The following FAF1 variants were observed in gnomAD, a reference collection of about 807,000 sequenced individuals.
FAF1 encodes the protein FAS-associated factor 1.
A neutral mutation model predicts 92.5 loss-of-function variants in FAF1; 25 were observed. That is an observed-to-expected ratio of 0.27 (90% CI 0.20 to 0.38). FAF1 has a LOEUF of 0.38. FAF1 is among the 10% of genes least tolerant of loss of function. FAF1 has a pLI of 1.00. For missense variants in FAF1, 636 were observed against 793.3 expected (o/e 0.80, Z 2.38); for synonymous variants, 234 against 273.2 (o/e 0.86, Z 1.42).
chr1:50,747,788 T>A (rs1659687613), intron 4 of FAF1, among the ~76,000 whole-genome samples: 2 of 152,180 alleles, frequency 1.3e-5, no homozygotes, highest in Non-Finnish European at 2.9e-5. Context: ...GACTGAATCA[T>A]GTGTGACAGA....
chr1:50,764,587 C>T (rs1174057941), intron 4 of FAF1, among the ~76,000 whole-genome samples: 1 of 152,170 alleles, frequency 6.6e-6, no homozygotes, highest in Non-Finnish European at 1.5e-5. Context: ...AAATCAGGGG[C>T]ATCTACAGGG....
At chr1:50,779,267 C>T (rs1303740376) in intron 4 of FAF1, among the ~76,000 whole-genome samples, 1 of 152,144 alleles carries the variant, frequency 6.6e-6, no homozygotes, top group Admixed American at 6.5e-5. Context: ...CAGCTTCTTC[C>T]AAACTCCTAT....
At chr1:50,709,655 T>G (rs1657835558) in intron 6 of FAF1, among the ~76,000 whole-genome samples, 1 of 152,158 alleles carries the variant, frequency 6.6e-6, no homozygotes, top group African/African-American at 2.4e-5. Flanking sequence ...TATATTTGAT[T>G]CTATGTTCTT....
rs530706309 is a variant in FAF1, at chr1:50,688,216, T to G, written c.657+17570A>C. Among the ~76,000 whole-genome samples the G allele has an allele frequency of 4.6e-5, 7 of 151,848 alleles. No individual in the cohort carries two copies. In the East Asian group the frequency reaches 1.3e-3, roughly 29 times the overall value. On this transcript the variant is annotated intron_variant, in intron 7 of 18. Transcript: ENST00000396153. The stretch of plus-strand genomic sequence containing the variant: ...AAAATAACAAGTATTGGTTAGTACA[T>G]GGAGAAATGGAAACTGTTCTGCATT...
At chr1:50,838,993 C>T (rs914398588) in intron 2 of FAF1, among the ~76,000 whole-genome samples, 2 of 152,020 alleles carry the variant, frequency 1.3e-5, no homozygotes, top group East Asian at 1.9e-4. Flanking sequence ...GGAAAATATC[C>T]AACTTAACTG....
At chr1:50,929,215 T>C (rs1231364253) in intron 1 of FAF1, among the ~76,000 whole-genome samples, 1 of 152,022 alleles carries the variant, frequency 6.6e-6, no homozygotes, top group Admixed American at 6.6e-5. Flanking sequence ...TCCCACAATA[T>C]TTAATAGAGT....
chr1:50,904,854 T>C (rs1644822978), intron 1 of FAF1, among the ~76,000 whole-genome samples: 2 of 152,132 alleles, frequency 1.3e-5, no homozygotes, highest in Admixed American at 1.3e-4. Context: ...TTTTAAGCCA[T>C]CTGAATAATA....
chr1:50,894,912 G>A (rs1644746821), intron 1 of FAF1, among the ~76,000 whole-genome samples: 1 of 151,966 alleles, frequency 6.6e-6, no homozygotes, highest in African/African-American at 2.4e-5. Context: ...GAAGTTTATA[G>A]GTGTAAGCAC....
chr1:50,948,973 C>A (rs1318326758), intron 1 of FAF1, among the ~76,000 whole-genome samples: 2 of 152,164 alleles, frequency 1.3e-5, no homozygotes, highest in Non-Finnish European at 2.9e-5. Flanking sequence ...TTGGAGGTCA[C>A]ATTTCAATAT....
chr1:50,754,284 C>A (rs574158102), intron 4 of FAF1, among the ~76,000 whole-genome samples: 22 of 152,284 alleles, frequency 1.4e-4, no homozygotes, highest in Admixed American at 3.9e-4. Context: ...ACAATTTAAT[C>A]CTTTTGTGTT....
intron 4 of FAF1, among the ~76,000 whole-genome samples, chr1:50,775,642 C>T (rs1048209179): frequency 6.6e-6 from 1 of 151,790 alleles, no homozygotes; most frequent in Admixed American, 6.6e-5. Flanking sequence ...AGAAAAATCA[C>T]CACAGGGCAA....
At chr1:50,763,377 G>T (rs1557516036) in intron 4 of FAF1, among the ~76,000 whole-genome samples, 1 of 152,140 alleles carries the variant, frequency 6.6e-6, no homozygotes, top group Non-Finnish European at 1.5e-5. Flanking sequence ...ATTTGATAAT[G>T]ATGTGCCTTG....
Position 50,878,708 on chromosome 1 carries a change from T to G in FAF1, c.46-20711A>C, listed in dbSNP as rs981228194. Among the ~76,000 whole-genome samples, 4 of 152,146 alleles carry G rather than the reference T, an allele frequency of 2.6e-5. No homozygotes were observed. The South Asian group carries it at 8.3e-4, about 32-fold the overall frequency. On this transcript the variant is annotated intron_variant, in intron 1 of 18. Coordinates refer to ENST00000396153, the MANE Select transcript of FAF1 (RefSeq NM_007051.3). Reference sequence around the variant, plus strand: ...ACAAGATAGATATTATTATGCCCATTAAAATCCTTACACATTAAAAACTAA... The same window carrying G: ...ACAAGATAGATATTATTATGCCCATGAAAATCCTTACACATTAAAAACTAA...
chr1:50,784,906 G>A (rs762130942), intron 4 of FAF1, among the ~76,000 whole-genome samples: 5 of 152,058 alleles, frequency 3.3e-5, no homozygotes, highest in Non-Finnish European at 7.4e-5. Context: ...TTTGACTAGA[G>A]TGCCAAGACC....
chr1:50,699,618 T>C (rs1328684053), intron 7 of FAF1, among the ~76,000 whole-genome samples: 2 of 152,184 alleles, frequency 1.3e-5, no homozygotes, highest in East Asian at 3.8e-4. Context: ...GTATATATTT[T>C]ACTCAAAAAA....
chr1:50,772,297 C>T (rs1660802295), intron 4 of FAF1, among the ~76,000 whole-genome samples: 1 of 152,170 alleles, frequency 6.6e-6, no homozygotes, highest in African/African-American at 2.4e-5. Context: ...GGCAATCTCT[C>T]AAAGAACTTA....
Position 50,441,276 on chromosome 1 carries a change from A to G in FAF1, c.*164T>C. 1 of 524,394 alleles carries G rather than the reference A, an allele frequency of 1.9e-6. No individual in the cohort carries two copies. Among genetic ancestry groups the G allele is most frequent in the South Asian group, 3.0e-5 (1 of 33,452 alleles). 32.5% of individuals were successfully genotyped at this position (524,394 alleles called of 1,614,324 possible). Reference sequence around the variant, plus strand: ...TATATACTCATGGATGGGAAATCTTAAGTAGCTATATTTATTATTACTTTT... The same window carrying G: ...TATATACTCATGGATGGGAAATCTTGAGTAGCTATATTTATTATTACTTTT... On this transcript the variant is annotated 3_prime_UTR_variant, in exon 19 of 19. Transcript: ENST00000396153.
intron 5 of FAF1, among the ~76,000 whole-genome samples, chr1:50,742,087 C>A (rs1659409049): frequency 6.6e-6 from 1 of 151,700 alleles, no homozygotes; most frequent in South Asian, 2.1e-4. Flanking sequence ...GGCAGGAGGA[C>A]TGCATGAGTC....
chr1:50,822,805 G>A (rs1324504998), intron 2 of FAF1, among the ~76,000 whole-genome samples: 1 of 117,976 alleles, frequency 8.5e-6, no homozygotes, highest in Admixed American at 1.1e-4. Context: ...ACGCAGTTTC[G>A]CTCTTGTTGC....
Sources: allele counts gnomAD v4.1 joint callset (sites outside exome capture counted in the v4.1 genomes callset), GRCh38; gene constraint gnomAD v4.1.1; transcripts MANE v1.5; gene names NCBI Gene and HGNC (gene_info 2026-07-23, HGNC 2026-07-21).